The following MYO1D variants were observed in gnomAD, a reference collection of about 807,000 sequenced individuals.
MYO1D encodes unconventional myosin-Id.
In MYO1D, 83 loss-of-function variants were observed where a neutral mutation model predicts 122.0. The observed-to-expected ratio is 0.68, with a 90% confidence interval of 0.57 to 0.82. The LOEUF (loss-of-function observed/expected upper bound fraction) is 0.82, where lower values mean the gene tolerates loss of function less well. Among genes scored for constraint, MYO1D ranks in the 40% least tolerant of loss-of-function variants. The pLI, the probability that MYO1D is intolerant of heterozygous loss-of-function variation, is 0.00. For missense variants in MYO1D, 1,157 were observed against 1,269.5 expected (o/e 0.91, Z 1.35); for synonymous variants, 464 against 446.9 (o/e 1.04, Z -0.48).
intron 8 of MYO1D, 55 bp from the exon 9 acceptor site, chr17:32,760,682 T>C (rs949095188): frequency 1.3e-6 from 2 of 1,547,354 alleles, no homozygotes; most frequent in African/African-American, 2.8e-5. Context: ...AGTCCTCTGT[T>C]TGGATTTGTG....
chr17:32,721,194 A>G lies in MYO1D; in HGVS notation c.1747-5T>C, dbSNP rs759800172. On this transcript the variant is annotated splice_polypyrimidine_tract_variant and splice_region_variant and intron_variant, in intron 14 of 21. Transcript: ENST00000318217. Reference sequence around the variant, plus strand: ...GCAACGAACGTAATATGGTTCCTAAAGAAATAAATCAGCAAATGGTAAGTT... The same window carrying G: ...GCAACGAACGTAATATGGTTCCTAAGGAAATAAATCAGCAAATGGTAAGTT... The G allele has an allele frequency of 1.2e-6, 2 of 1,611,868 alleles. No individual in the cohort carries two copies. The highest frequency in any genetic ancestry group is 1.7e-6 in the Non-Finnish European group (2 of 1,178,746).
intron 10 of MYO1D, among the ~76,000 whole-genome samples, chr17:32,757,343 G>C (rs1471483101): frequency 1.3e-5 from 2 of 152,092 alleles, no homozygotes. Context: ...AATATCAGGA[G>C]ACATTTCTAG....
Position 32,721,049 on chromosome 17 carries a change from G to C in MYO1D, c.1887C>G (p.Arg629=). Residue 629 remains arginine, a synonymous_variant, in exon 15 of 22, where the codon CGC becomes CGG. Coordinates refer to ENST00000318217, the MANE Select transcript of MYO1D (RefSeq NM_015194.3). The part of the protein sequence containing the change: ...VRVRRAGFAF[R]QTYEKFLHRY... The stretch of plus-strand genomic sequence containing the variant: ...TGTGAAGAAACTTCTCGTATGTCTG[G>C]CGGAAGGCAAATCCTGCCCGACGCA... 6.2e-7 allele frequency: 1 copy of C among 1,614,116 alleles called. No individual in the cohort carries two copies. The highest frequency in any genetic ancestry group is 8.5e-7 in the Non-Finnish European group (1 of 1,180,006).
chr17:32,530,063 CAG>C (rs1360023178), intron 21 of MYO1D: 1 of 152,202 alleles, frequency 6.6e-6, no homozygotes, highest in East Asian at 1.9e-4. Context: ...AAGTAGATGG[CAG>C]AGTCTCAGTT....
intron 8 of MYO1D, among the ~76,000 whole-genome samples, chr17:32,764,207 A>T (rs2090031173): frequency 6.6e-6 from 1 of 152,176 alleles, no homozygotes; most frequent in Non-Finnish European, 1.5e-5. Context: ...CCTATATGCA[A>T]TCTGAAAAAG....
At chr17:32,519,696 TTGTC>T (rs1020631505) in intron 21 of MYO1D, among the ~76,000 whole-genome samples, 8 of 151,950 alleles carry the variant, frequency 5.3e-5, no homozygotes, top group African/African-American at 1.7e-4. Flanking sequence ...CTGTTTTTGT[TTGTC>T]TGTCTTTCCC....
chr17:32,607,129 C>T (rs553947943), intron 20 of MYO1D, among the ~76,000 whole-genome samples: 55 of 152,052 alleles, frequency 3.6e-4, no homozygotes, highest in African/African-American at 1.3e-3. Flanking sequence ...CACTGCACTT[C>T]AGCCTGGGCA....
intron 10 of MYO1D, among the ~76,000 whole-genome samples, chr17:32,757,224 G>A (rs1432285363): frequency 6.6e-6 from 1 of 152,100 alleles, no homozygotes; most frequent in Admixed American, 6.6e-5. Flanking sequence ...ACTGAAACCT[G>A]TAAACTGGGT....
At position 32,873,320 on chromosome 17, in the gene MYO1D, A is replaced by T. The variant is rs150925874; in HGVS notation, c.95+3458T>A. Among the ~76,000 whole-genome samples, 7 of 152,344 alleles carry T rather than the reference A, an allele frequency of 4.6e-5. No individual in the cohort carries two copies. The East Asian group carries it at 1.3e-3, about 29-fold the overall frequency. On this transcript the variant is annotated intron_variant, in intron 1 of 21. Transcript: ENST00000318217. ...ATTACATGACTTAAAGGAAGGAAGC[A>T]GGCCTTGCAGAAGAGCCAGGTGGGA...
chr17:32,817,332 A>G (rs1172186006), intron 1 of MYO1D, among the ~76,000 whole-genome samples: 1 of 152,240 alleles, frequency 6.6e-6, no homozygotes, highest in Non-Finnish European at 1.5e-5. Flanking sequence ...TATGTTGCTG[A>G]GTAACAGGAA....
chr17:32,577,922 G>A (rs940005312), intron 21 of MYO1D, among the ~76,000 whole-genome samples: 2 of 152,092 alleles, frequency 1.3e-5, no homozygotes, highest in Non-Finnish European at 1.5e-5. Flanking sequence ...TGTATTTTTA[G>A]TAGAGACAGG....
At chr17:32,875,324 G>A (rs1288261421) in intron 1 of MYO1D, among the ~76,000 whole-genome samples, 5 of 152,142 alleles carry the variant, frequency 3.3e-5, no homozygotes, top group Admixed American at 3.3e-4. Flanking sequence ...TCTATTTTAT[G>A]TGCACTTGGG....
chr17:32,524,814 G>A (rs567387813), intron 21 of MYO1D, among the ~76,000 whole-genome samples: 1 of 152,194 alleles, frequency 6.6e-6, no homozygotes, highest in South Asian at 2.1e-4. Context: ...ACCCACCTTG[G>A]CCTCCCAAAG....
At chr17:32,770,870 TAAAATA>T (rs1303765872) in intron 6 of MYO1D, among the ~76,000 whole-genome samples, 1 of 151,674 alleles carries the variant, frequency 6.6e-6, no homozygotes, top group African/African-American at 2.4e-5. Flanking sequence ...GATTAAAAAT[TAAAATA>T]AAACATTGAA....
At chr17:32,734,179 T>C (rs1278569906) in intron 14 of MYO1D, among the ~76,000 whole-genome samples, 1 of 152,220 alleles carries the variant, frequency 6.6e-6, no homozygotes, top group Non-Finnish European at 1.5e-5. Flanking sequence ...CATCAGTTAT[T>C]CGGATTCTTT....
intron 1 of MYO1D, among the ~76,000 whole-genome samples, chr17:32,836,740 ATATAAT>A (rs1203126918): frequency 6.6e-6 from 1 of 152,220 alleles, no homozygotes; most frequent in East Asian, 1.9e-4. Flanking sequence ...TAATGACATC[ATATAAT>A]TATATTAATT....
At chr17:32,574,034 AC>A (rs1386111350) in intron 21 of MYO1D, among the ~76,000 whole-genome samples, 2 of 149,618 alleles carry the variant, frequency 1.3e-5, no homozygotes, top group Non-Finnish European at 3.0e-5. Context: ...TTGTATTTTT[AC>A]TAGAGACAGG....
rs147275734 is a variant in MYO1D, at chr17:32,763,143, G to A, written c.1035+1735C>T. On this transcript the variant is annotated intron_variant, in intron 8 of 21. Coordinates refer to ENST00000318217, the MANE Select transcript of MYO1D (RefSeq NM_015194.3). ...AGAGCTTGCAGTGAGCTGAGATTGT[G>A]CCACTGCACTCCAGCTTGGGCAACA... Among the ~76,000 whole-genome samples the A allele has an allele frequency of 3.9e-3, 585 of 151,148 alleles. 4 individuals are homozygous for A. Among genetic ancestry groups the A allele is most frequent in the African/African-American group, 0.013 (540 of 41,098 alleles).
rs1438229594 is a variant in MYO1D at position 32,806,151 on chromosome 17, C to A, written c.96-25367G>T. On this transcript the variant is annotated intron_variant, in intron 1 of 21. Transcript: ENST00000318217. ...GCACACGCCTGTGGTTCCAGCTACTCGGGAGGTTGAGCAGAAGAATCACTT... is the reference window on the plus strand; with the variant it reads ...GCACACGCCTGTGGTTCCAGCTACTAGGGAGGTTGAGCAGAAGAATCACTT... Among the ~76,000 whole-genome samples, 3 of 151,926 alleles carry A rather than the reference C, an allele frequency of 2.0e-5. 1 individual carries two copies. The highest frequency in any genetic ancestry group is 4.4e-5 in the Non-Finnish European group (3 of 68,000).
Sources: allele counts gnomAD v4.1 joint callset (sites outside exome capture counted in the v4.1 genomes callset), GRCh38; gene constraint gnomAD v4.1.1; transcripts MANE v1.5; gene names NCBI Gene and HGNC (gene_info 2026-07-23, HGNC 2026-07-21).